Variants in FOXP2 observed in about 807,000 individuals in gnomAD.
The protein encoded by FOXP2 is forkhead box protein P2.
FOXP2 carries 12 observed loss-of-function variants against 115.8 expected under a neutral mutation model. The observed-to-expected ratio is 0.10, with a 90% CI of 0.07 to 0.17. FOXP2 has a LOEUF of 0.17. Among genes scored for constraint, FOXP2 ranks in the 10% least tolerant of loss-of-function variants. The pLI is 1.00. For missense variants in FOXP2, 629 were observed against 843.5 expected (o/e 0.75, Z 3.15); for synonymous variants, 328 against 297.7 (o/e 1.10, Z -1.05).
At chr7:114,196,157 G>A (rs546258177) in intron 1 of FOXP2, among the ~76,000 whole-genome samples, 9 of 152,034 alleles carry the variant, frequency 5.9e-5, no homozygotes, top group Non-Finnish European at 8.8e-5. Flanking sequence ...GGACTAGGGC[G>A]CGCGTCACCA....
At chr7:114,409,102 A>G (rs143077105) in intron 2 of FOXP2, among the ~76,000 whole-genome samples, 69 of 152,270 alleles carry the variant, frequency 4.5e-4, no homozygotes, top group Non-Finnish European at 8.2e-4. Context: ...TTCTCTTACA[A>G]TAGAAATTTT....
At chr7:114,345,232 C>G (rs2129184875) in intron 2 of FOXP2, among the ~76,000 whole-genome samples, 1 of 151,480 alleles carries the variant, frequency 6.6e-6, no homozygotes, top group South Asian at 2.1e-4. Flanking sequence ...TGGATGTGTC[C>G]AAAATAAGAC....
At chr7:114,394,053 G>A (rs1325100255) in intron 2 of FOXP2, among the ~76,000 whole-genome samples, 7 of 151,364 alleles carry the variant, frequency 4.6e-5, no homozygotes, top group Admixed American at 6.6e-5. Context: ...TCCGCTGAAA[G>A]GTCCCGGAAA....
At chr7:114,217,234 C>A (rs993891221) in intron 1 of FOXP2, among the ~76,000 whole-genome samples, 1 of 152,094 alleles carries the variant, frequency 6.6e-6, no homozygotes, top group Non-Finnish European at 1.5e-5. Context: ...TGTAGGGGGC[C>A]TTGAAGAATA....
At chr7:114,237,861 G>A (rs1795052889) in intron 1 of FOXP2, among the ~76,000 whole-genome samples, 1 of 151,996 alleles carries the variant, frequency 6.6e-6, no homozygotes, top group Non-Finnish European at 1.5e-5. Context: ...TGTGGTGCAA[G>A]CTGCCCCAGA....
chr7:114,425,921 C>T (rs1054674569), intron 1 of FOXP2, among the ~76,000 whole-genome samples: 21 of 151,496 alleles, frequency 1.4e-4, no homozygotes, highest in Non-Finnish European at 5.9e-5. Flanking sequence ...TAAAATGCCT[C>T]CAAGGCAAAA....
At chr7:114,603,166 A>G (rs1053085271) in intron 3 of FOXP2, among the ~76,000 whole-genome samples, 35 of 152,302 alleles carry the variant, frequency 2.3e-4, no homozygotes, top group African/African-American at 8.2e-4. Context: ...AACTGGTATA[A>G]TATGAGGTCA....
intron 1 of FOXP2, among the ~76,000 whole-genome samples, chr7:114,196,720 A>G (rs1277546279): frequency 6.6e-6 from 1 of 152,248 alleles, no homozygotes; most frequent in Non-Finnish European, 1.5e-5. Flanking sequence ...CACTGTGGGT[A>G]TGCGATCTGC....
intron 2 of FOXP2, among the ~76,000 whole-genome samples, chr7:114,429,857 A>G (rs192033017): frequency 3.3e-5 from 5 of 151,824 alleles, no homozygotes; most frequent in Admixed American, 6.6e-5. Context: ...TGAAATTGAG[A>G]ATAGCGACAT....
At chr7:114,584,329 C>T (rs1802019883) in intron 3 of FOXP2, among the ~76,000 whole-genome samples, 1 of 151,968 alleles carries the variant, frequency 6.6e-6, no homozygotes, top group Admixed American at 6.6e-5. Context: ...TGCTTTTCTC[C>T]ACCTCCCATA....
intron 1 of FOXP2, among the ~76,000 whole-genome samples, chr7:114,145,813 G>A (rs992307380): frequency 1.9e-4 from 29 of 152,154 alleles, no homozygotes; most frequent in African/African-American, 7.0e-4. Flanking sequence ...AAATTTTACT[G>A]TTTAAAAATT....
chr7:114,477,447 TAAGC>T (rs751587464), intron 2 of FOXP2, among the ~76,000 whole-genome samples: 2 of 151,974 alleles, frequency 1.3e-5, no homozygotes, highest in Non-Finnish European at 2.9e-5. Flanking sequence ...AAATAGGAGC[TAAGC>T]ATTGCACACA....
At chr7:114,446,671 G>A (rs1364584472) in intron 2 of FOXP2, among the ~76,000 whole-genome samples, 5 of 151,634 alleles carry the variant, frequency 3.3e-5, no homozygotes, top group Non-Finnish European at 5.9e-5. Flanking sequence ...AATAAAAATT[G>A]CATTAACAAC....
intron 1 of FOXP2, among the ~76,000 whole-genome samples, chr7:114,282,492 T>C (rs1562852524): frequency 6.6e-6 from 1 of 152,202 alleles, no homozygotes; most frequent in Admixed American, 6.5e-5. Context: ...TACTTAAGGA[T>C]ATCTCTGTCC....
intron 6 of FOXP2, among the ~76,000 whole-genome samples, chr7:114,632,805 C>A: frequency 6.6e-6 from 1 of 151,934 alleles, no homozygotes; most frequent in East Asian, 1.9e-4. Context: ...AAAAGAAAAA[C>A]AAGGCAATAA....
chr7:114,304,538 T>C (rs944834585), intron 2 of FOXP2, among the ~76,000 whole-genome samples: 3 of 151,414 alleles, frequency 2.0e-5, no homozygotes, highest in African/African-American at 7.3e-5. Context: ...GAAGTGGTGG[T>C]GCGTGCCTGT....
At chr7:114,522,782 C>T (rs987591299) in intron 2 of FOXP2, among the ~76,000 whole-genome samples, 2 of 152,006 alleles carry the variant, frequency 1.3e-5, no homozygotes, top group African/African-American at 4.8e-5. Flanking sequence ...CTCTAATTTA[C>T]CACATAATAT....
chr7:114,106,210 T>C lies in FOXP2; in HGVS notation c.-247+18372T>C, dbSNP rs150609337. ...TAATTTTTATCTCACCTGTAAAATA[T>C]AGACAAAATAACTATATTGTAGTAT... On this transcript the variant is annotated intron_variant, in intron 1 of 19. Transcript: ENST00000635638. 2.1e-3 allele frequency among the ~76,000 whole-genome samples: 316 copies of C among 152,186 alleles called. 3 individuals are homozygous for C. Among genetic ancestry groups the C allele is most frequent in the African/African-American group, 7.2e-3 (300 of 41,566 alleles).
At chr7:114,432,818 A>T (rs1461936121) in intron 2 of FOXP2, among the ~76,000 whole-genome samples, 1 of 151,988 alleles carries the variant, frequency 6.6e-6, no homozygotes, top group East Asian at 1.9e-4. Context: ...CACTAAAGAT[A>T]TATGATATGA....
Sources: gnomAD v4.1 joint callset for allele counts (sites outside exome capture counted in the v4.1 genomes callset) on GRCh38, gnomAD v4.1.1 for gene constraint, MANE v1.5 for transcripts, NCBI Gene and HGNC (gene_info 2026-07-23, HGNC 2026-07-21) for gene names.